Variants in TENM4 observed in about 807,000 individuals in gnomAD.
TENM4 encodes the protein teneurin-4.
In TENM4, 82 loss-of-function variants were observed where a neutral mutation model predicts 243.3. That is an observed-to-expected ratio of 0.34 (90% confidence interval 0.28 to 0.40). TENM4 has a LOEUF of 0.40. Ranked by LOEUF, TENM4 falls within the 10% of genes least tolerant of loss-of-function variation. The pLI, the probability that TENM4 is intolerant of heterozygous loss-of-function variation, is 1.00. For synonymous variants in TENM4, 1,412 were observed against 1,456.3 expected, an observed-to-expected ratio of 0.97 and a Z score of 0.69; for missense variants, 3,138 against 3,673.3, an observed-to-expected ratio of 0.85 and a Z score of 3.77.
intron 1 of TENM4, among the ~76,000 whole-genome samples, chr11:79,302,058 G>T (rs867882495): frequency 9.2e-5 from 14 of 152,184 alleles, no homozygotes; most frequent in Middle Eastern, 3.4e-3. Flanking sequence ...CTGTCTATCC[G>T]GAATTTAGCA....
rs566284517 is a variant in TENM4 at position 78,976,414 on chromosome 11, T to TA, written c.494-72892dup. 9.1e-3 allele frequency among the ~76,000 whole-genome samples: 1,369 copies of TA among 149,912 alleles called. 24 individuals carry two copies. Among genetic ancestry groups the TA allele is most frequent in the African/African-American group, 0.031 (1,266 of 40,976 alleles). ...ATCTGTTATATTTCAATAAAAAGTT[T>TA]AAAAAAAAAACCAGAAAGCCATGTG... On this transcript the variant is annotated intron_variant, in intron 6 of 33. Transcript: ENST00000278550.
At chr11:79,382,266 TTCTC>T (rs1164561212) in intron 1 of TENM4, among the ~76,000 whole-genome samples, 4 of 152,070 alleles carry the variant, frequency 2.6e-5, no homozygotes, top group Non-Finnish European at 5.9e-5. Context: ...TGCCAGAGGG[TTCTC>T]TGGGGATTAG....
intron 1 of TENM4, among the ~76,000 whole-genome samples, chr11:79,423,590 T>C (rs1344512917): frequency 6.9e-6 from 1 of 144,776 alleles, no homozygotes; most frequent in Non-Finnish European, 1.5e-5. Context: ...AAATTTCCAA[T>C]TCATACTTAA....
At chr11:78,967,870 C>T (rs952790186) in intron 6 of TENM4, among the ~76,000 whole-genome samples, 1 of 152,150 alleles carries the variant, frequency 6.6e-6, no homozygotes, top group African/African-American at 2.4e-5. Flanking sequence ...CTCAATGAGC[C>T]CAGCTCTGGC....
At chr11:79,045,940 C>T (rs1859645019) in intron 6 of TENM4, among the ~76,000 whole-genome samples, 1 of 152,248 alleles carries the variant, frequency 6.6e-6, no homozygotes, top group Non-Finnish European at 1.5e-5. Context: ...CCCAGTCACA[C>T]ATTTGTTCCT....
chr11:78,928,148 G>A (rs947170722), intron 6 of TENM4, among the ~76,000 whole-genome samples: 16 of 152,048 alleles, frequency 1.1e-4, no homozygotes, highest in African/African-American at 3.1e-4. Context: ...CACCTTCCCC[G>A]TCTCCTTACT....
At position 78,812,573 on chromosome 11, in the gene TENM4, G is replaced by A. The variant is rs538505600; in HGVS notation, c.1784-257C>T. ...CACTTAACCCCATCCCCTTCATGTT[G>A]CTGATGGGGTACAGTGGCTGCCAGG... On this transcript the variant is annotated intron_variant, in intron 13 of 33. Coordinates refer to ENST00000278550, the MANE Select transcript of TENM4 (RefSeq NM_001098816.3). 2.6e-5 allele frequency among the ~76,000 whole-genome samples: 4 copies of A among 152,262 alleles called. No individual in the cohort carries two copies. The East Asian group carries it at 7.7e-4, about 29-fold the overall frequency.
At position 79,294,613 on chromosome 11, in the gene TENM4, A is replaced by C. The variant is rs1443105343; in HGVS notation, c.-265+2875T>G. Among the ~76,000 whole-genome samples the C allele has an allele frequency of 2.6e-5, 4 of 152,068 alleles. No individual in the cohort carries two copies. In the East Asian group the frequency reaches 7.7e-4, roughly 29 times the overall value. The stretch of plus-strand genomic sequence containing the variant: ...CCTGTAATCCCAGCACTTTGGGAGG[A>C]TGAGGTGGGCAAATCATCTGAGATC... On this transcript the variant is annotated intron_variant, in intron 2 of 33. Coordinates refer to ENST00000278550, the MANE Select transcript of TENM4 (RefSeq NM_001098816.3).
chr11:78,961,079 G>T (rs188049400), intron 6 of TENM4, among the ~76,000 whole-genome samples: 1 of 152,312 alleles, frequency 6.6e-6, no homozygotes, highest in African/African-American at 2.4e-5. Context: ...AAGCTGTTTG[G>T]TTCCAGAGCC....
At chr11:78,968,598 G>A (rs978199809) in intron 6 of TENM4, among the ~76,000 whole-genome samples, 1 of 152,226 alleles carries the variant, frequency 6.6e-6, no homozygotes, top group Non-Finnish European at 1.5e-5. Flanking sequence ...GTATGGTGGA[G>A]ATTGGCAGAG....
chr11:78,702,519 G>A, intron 27 of TENM4, 116 bp from the exon 28 acceptor site: 1 of 1,234,696 alleles, frequency 8.1e-7, no homozygotes, highest in Non-Finnish European at 1.1e-6. Flanking sequence ...AGTCTTGCTT[G>A]ATCCTCATGC....
At chr11:79,041,364 T>C (rs1859524013) in intron 6 of TENM4, among the ~76,000 whole-genome samples, 1 of 152,076 alleles carries the variant, frequency 6.6e-6, no homozygotes, top group Non-Finnish European at 1.5e-5. Context: ...ATGCCCGGCC[T>C]CATTTGTCTC....
chr11:78,943,959 C>T (rs565437275), intron 6 of TENM4, among the ~76,000 whole-genome samples: 6 of 152,332 alleles, frequency 3.9e-5, no homozygotes, highest in Admixed American at 6.5e-5. Flanking sequence ...CTGCAGAGTG[C>T]GTGGTGAGGA....
At chr11:78,708,609 C>G (rs1859316304) in intron 26 of TENM4, 94 bp from the exon 27 acceptor site, 1 of 1,434,954 alleles carries the variant, frequency 7.0e-7, no homozygotes, top group East Asian at 2.5e-5. Flanking sequence ...AGCACCTCCT[C>G]TACATGATTG....
intron 6 of TENM4, among the ~76,000 whole-genome samples, chr11:78,912,568 T>C (rs779523796): frequency 6.6e-6 from 1 of 152,194 alleles, no homozygotes; most frequent in Non-Finnish European, 1.5e-5. Flanking sequence ...CTTCCAAACT[T>C]TTAAAGCTAA....
chr11:79,271,704 G>A (rs1855972314), intron 2 of TENM4, among the ~76,000 whole-genome samples: 1 of 152,198 alleles, frequency 6.6e-6, no homozygotes, highest in Non-Finnish European at 1.5e-5. Flanking sequence ...CCTGGCACGG[G>A]CTCTTCAGCC....
intron 9 of TENM4, among the ~76,000 whole-genome samples, chr11:78,881,020 C>T (rs775254495): frequency 3.9e-5 from 6 of 152,174 alleles, no homozygotes; most frequent in Non-Finnish European, 8.8e-5. Context: ...AAAATTCATA[C>T]AGTAGTACAC....
Position 78,709,134 on chromosome 11 carries a change from A to T in TENM4, c.4055-619T>A, listed in dbSNP as rs1336227929. On this transcript the variant is annotated intron_variant, in intron 26 of 33. Coordinates refer to ENST00000278550, the MANE Select transcript of TENM4 (RefSeq NM_001098816.3). ...AGGCATGCGCCACCATGCCTGGCTA[A>T]TTTTTTTTTTTTTTTTTTTAGTAGA... 6.3e-5 allele frequency among the ~76,000 whole-genome samples: 8 copies of T among 126,108 alleles called. 1 individual carries two copies. The highest frequency in any genetic ancestry group is 2.6e-4 in the South Asian group (1 of 3,828). 82.7% of individuals were successfully genotyped at this position (126,108 alleles called of 152,430 possible).
intron 1 of TENM4, among the ~76,000 whole-genome samples, chr11:79,395,457 C>G (rs146420172): frequency 1.9e-4 from 29 of 152,320 alleles, no homozygotes; most frequent in African/African-American, 5.8e-4. Flanking sequence ...CCACCAGGAA[C>G]ACATTCCTGA....
Sources: gnomAD v4.1 joint callset for allele counts (sites outside exome capture counted in the v4.1 genomes callset) on GRCh38, gnomAD v4.1.1 for gene constraint, MANE v1.5 for transcripts, NCBI Gene and HGNC (gene_info 2026-07-23, HGNC 2026-07-21) for gene names.